The following WHRN variants were observed in gnomAD, a reference collection of about 807,000 sequenced individuals.
WHRN encodes the protein CASK-interacting protein CIP98.
A neutral mutation model predicts 68.3 loss-of-function variants in WHRN; 41 were observed. The ratio of observed to expected loss-of-function variants is 0.60; its 90% CI spans 0.47 to 0.78. The LOEUF (loss-of-function observed/expected upper bound fraction) is 0.78. WHRN is among the 30% of genes least tolerant of loss of function. The pLI, the probability that WHRN is intolerant of heterozygous loss-of-function variation, is 0.00. For missense variants in WHRN, 1,243 were observed against 1,244.7 expected (o/e 1.00, Z 0.02); for synonymous variants, 560 against 561.3 (o/e 1.00, Z 0.03).
At chr9:114,429,906 G>A (rs892911436) in intron 3 of WHRN, among the ~76,000 whole-genome samples, 6 of 152,164 alleles carry the variant, frequency 3.9e-5, no homozygotes, top group African/African-American at 9.7e-5. Flanking sequence ...ACCTCCCCAC[G>A]TGGCAGCTCC....
chr9:114,433,537 T>C (rs1042844331), intron 3 of WHRN, among the ~76,000 whole-genome samples: 3 of 152,252 alleles, frequency 2.0e-5, no homozygotes, highest in African/African-American at 7.2e-5. Context: ...AAGAGTTTTA[T>C]TGCAATTATG....
chr9:114,452,784 G>A (rs1398886923), intron 3 of WHRN, among the ~76,000 whole-genome samples: 1 of 152,152 alleles, frequency 6.6e-6, no homozygotes. Context: ...GCAGATGGCG[G>A]GAATCAGTCT....
At chr9:114,495,938 C>T (rs1564234302) in intron 1 of WHRN, among the ~76,000 whole-genome samples, 1 of 152,184 alleles carries the variant, frequency 6.6e-6, no homozygotes, top group East Asian at 1.9e-4. Context: ...TTCCTATCCA[C>T]ATGGGAGGTT....
chr9:114,413,523 G>A lies in WHRN; in HGVS notation c.1627-5505C>T, dbSNP rs550876672. On this transcript the variant is annotated intron_variant, in intron 7 of 11. Coordinates refer to ENST00000362057, the MANE Select transcript of WHRN (RefSeq NM_015404.4). ...AGATTTGTGGGACAAGACCCTGGAAGTGTCAGTCATGCAGGTGGCGACGGG... is the reference window on the plus strand; with the variant it reads ...AGATTTGTGGGACAAGACCCTGGAAATGTCAGTCATGCAGGTGGCGACGGG... 2.0e-5 allele frequency among the ~76,000 whole-genome samples: 3 copies of A among 152,322 alleles called. No homozygotes were observed. The South Asian group carries it at 6.2e-4, about 32-fold the overall frequency.
chr9:114,472,809 C>CTGTG lies in WHRN; in HGVS notation c.837+5743_837+5744insCACA. 2.0e-5 allele frequency among the ~76,000 whole-genome samples: 3 copies of CTGTG among 152,310 alleles called. 1 individual carries two copies. The South Asian group carries it at 6.2e-4, about 32-fold the overall frequency. ...TTGTTGCTGGAATTCATTACTATGT[C>CTGTG]CAGGCACTGTGCTCTGTGCTTATAA... On this transcript the variant is annotated intron_variant, in intron 2 of 11. Coordinates refer to ENST00000362057, the MANE Select transcript of WHRN (RefSeq NM_015404.4).
Position 114,406,704 on chromosome 9 carries a change from C to T in WHRN, c.1887G>A (p.Pro629=), listed in dbSNP as rs143443833. 4.3e-4 allele frequency: 688 copies of T among 1,614,000 alleles called. No homozygotes were observed. Among genetic ancestry groups the T allele is most frequent in the African/African-American group, 7.1e-4 (53 of 75,024 alleles). ...CTGGGGTGGGTGCGGTGCCCGCTGG[C>T]GGGCTGCGGTTCTGTGGAGCCGAGA... is the stretch of plus-strand genomic sequence containing the variant. ...TVFSAPQNRS[P]PAGTAPTPGT... The change falls in exon 9 of 12, where the codon CCG becomes CCA. Residue 629 remains proline, a synonymous_variant. Transcript: ENST00000362057.
chr9:114,501,742 T>C (rs1481020756), intron 1 of WHRN, among the ~76,000 whole-genome samples: 4 of 152,110 alleles, frequency 2.6e-5, no homozygotes. Flanking sequence ...GAAAAACTGG[T>C]GAAATTTGAA....
At chr9:114,427,707 C>A (rs1167387992) in intron 3 of WHRN, among the ~76,000 whole-genome samples, 1 of 152,140 alleles carries the variant, frequency 6.6e-6, no homozygotes, top group Non-Finnish European at 1.5e-5. Flanking sequence ...AATGCCTCAC[C>A]CCAGTTGGGA....
At position 114,402,284 on chromosome 9, in the gene WHRN, G is replaced by C. The variant is rs1438920479; in HGVS notation, c.*470C>G. ...AAGGAGCCAGGAGGAATGGGGGTGT[G>C]AATGGGGAGGTGCTCGATGCTTATT... On this transcript the variant is annotated 3_prime_UTR_variant, in exon 12 of 12. Transcript: ENST00000362057. 1 of 204,822 alleles carries C rather than the reference G, an allele frequency of 4.9e-6. No homozygotes were observed. The highest frequency in any genetic ancestry group is 5.3e-5 in the Admixed American group (1 of 19,018). The allele number at this position is 204,822 out of a possible 1,614,324, so 12.7% of individuals were successfully genotyped here. A position where few individuals can be genotyped will look rare whatever the true frequency, so the allele number is the denominator to read the frequency against.
In WHRN at chr9:114,504,553, G is replaced by A. The variant is rs1844232431; in HGVS notation, c.249C>T (p.Asp83=). ...GCAGCAGGCGCCGCTTGACCGGACTGTCCAGCAGCACGCGCAGGGTGCGCA... is the reference window on the plus strand; with the variant it reads ...GCAGCAGGCGCCGCTTGACCGGACTATCCAGCAGCACGCGCAGGGTGCGCA... The part of the protein sequence containing the change: ...DLVRTLRVLL[D]SPVKRRLLPM... Residue 83 remains aspartate, a synonymous_variant, in exon 1 of 12, where the codon GAC becomes GAT. Transcript: ENST00000362057. 7 of 1,611,236 alleles carry A rather than the reference G, an allele frequency of 4.3e-6. No homozygotes were observed. Among genetic ancestry groups the A allele is most frequent in the Non-Finnish European group, 5.9e-6 (7 of 1,179,824 alleles).
chr9:114,412,864 C>T (rs978512563), intron 7 of WHRN, among the ~76,000 whole-genome samples: 3 of 152,236 alleles, frequency 2.0e-5, no homozygotes, highest in African/African-American at 7.2e-5. Context: ...ACTGCGGGGC[C>T]ACCTCAGCAA....
chr9:114,443,595 C>T (rs1838568970), intron 3 of WHRN, among the ~76,000 whole-genome samples: 1 of 152,182 alleles, frequency 6.6e-6, no homozygotes, highest in Admixed American at 6.5e-5. Context: ...CATCTCCCTA[C>T]CTCAAGGCCA....
At chr9:114,455,046 G>A (rs1535969) in intron 3 of WHRN, among the ~76,000 whole-genome samples, 112,939 of 152,126 alleles carry the variant, frequency 0.74, 42,103 homozygotes, top group East Asian at 0.96. Flanking sequence ...CTTTATATGA[G>A]AACTCAAAAT....
Position 114,478,663 on chromosome 9 carries a change from T to A in WHRN, c.727A>T (p.Ser243Cys). ...IYTWVDPQGR[S>C]ISPPSGLPQP... ...GGCAGGCCCGAGGGTGGGGAGATGC[T>A]GCGGCCCTGCGGGTCCACCCAGGTG... The change falls in exon 2 of 12, where the codon AGC becomes TGC. Residue 243 changes from serine (S) to cysteine (C), a missense_variant. Transcript: ENST00000362057. 1.2e-6 allele frequency: 2 copies of A among 1,613,372 alleles called. No individual in the cohort carries two copies. The highest frequency in any genetic ancestry group is 1.7e-6 in the Non-Finnish European group (2 of 1,179,946).
At position 114,406,830 on chromosome 9, in the gene WHRN, AG is replaced by A; in HGVS notation, c.1760del (p.Pro587LeufsTer10). 6.2e-7 allele frequency: 1 copy of A among 1,608,344 alleles called. No individual in the cohort carries two copies. The highest frequency in any genetic ancestry group is 8.5e-7 in the Non-Finnish European group (1 of 1,177,330). On this transcript the variant is annotated frameshift_variant, in exon 9 of 12. Transcript: ENST00000362057. LOFTEE classifies it high-confidence loss of function. ...GTGGGAGGTCGTTGCCTTGGGCCAG[AG>A]GTGGTGGGCGAGGCAGTGGCTTGAA... is the stretch of plus-strand genomic sequence containing the variant. ...SSFKPLPRPP[P>X]LAQGNDLPLG... is the part of the protein sequence containing the mutation.
chr9:114,476,868 A>C (rs1271562339), intron 2 of WHRN, among the ~76,000 whole-genome samples: 1 of 152,196 alleles, frequency 6.6e-6, no homozygotes, highest in East Asian at 1.9e-4. Context: ...GGCTGGGCAC[A>C]CAAGGGCTCT....
rs1317937487 is a variant in WHRN, at chr9:114,426,191, A to G, written c.1166+20T>C. ...AATGGCCCTGGGGTCTGGAGATTGGAGCGAGCAGAGTGGCCAGACCCTGCC... is the reference window on the plus strand; with the variant it reads ...AATGGCCCTGGGGTCTGGAGATTGGGGCGAGCAGAGTGGCCAGACCCTGCC... On this transcript the variant is annotated intron_variant, in intron 4 of 11. Transcript: ENST00000362057. 1.2e-6 allele frequency: 2 copies of G among 1,611,766 alleles called. No individual in the cohort carries two copies. The highest frequency in any genetic ancestry group is 1.7e-6 in the Non-Finnish European group (2 of 1,179,910).
intron 3 of WHRN, among the ~76,000 whole-genome samples, chr9:114,442,581 G>A (rs1039715581): frequency 1.3e-5 from 2 of 152,192 alleles, no homozygotes; most frequent in Non-Finnish European, 2.9e-5. Context: ...CTAGTGGGAG[G>A]TGTCTGGGTC....
chr9:114,502,535 G>A (rs532932613), intron 1 of WHRN, among the ~76,000 whole-genome samples: 9 of 152,120 alleles, frequency 5.9e-5, no homozygotes, highest in African/African-American at 1.4e-4. Context: ...TGGTGGTGGG[G>A]GAAGGCGGGG....
Sources: allele counts gnomAD v4.1 joint callset (sites outside exome capture counted in the v4.1 genomes callset), GRCh38; gene constraint gnomAD v4.1.1; transcripts MANE v1.5; gene names NCBI Gene and HGNC (gene_info 2026-07-23, HGNC 2026-07-21).